The following HMCN2 variants were observed in gnomAD, a reference collection of about 807,000 sequenced individuals.
The protein encoded by HMCN2 is hemicentin 2, also known as hemicentin-2.
In HMCN2, 325 loss-of-function variants were observed where a neutral mutation model predicts 377.5. The observed-to-expected ratio is 0.86, with a 90% CI of 0.79 to 0.94. The LOEUF (loss-of-function observed/expected upper bound fraction) is 0.94, where lower values mean the gene tolerates loss of function less well. HMCN2 is among the 40% of genes least tolerant of loss of function. HMCN2 has a pLI of 0.00. For synonymous variants in HMCN2, 2,007 were observed against 2,046.8 expected, an observed-to-expected ratio of 0.98 and a Z score of 0.53; for missense variants, 4,543 against 4,725.3, an observed-to-expected ratio of 0.96 and a Z score of 1.13.
chr9:130,392,439 G>T (rs1156576986), intron 66 of HMCN2, among the ~76,000 whole-genome samples: 3 of 152,208 alleles, frequency 2.0e-5, no homozygotes, highest in Non-Finnish European at 4.4e-5. Flanking sequence ...GGCAAGAGCA[G>T]CTCAGGAGGA....
At chr9:130,427,758 G>A in intron 92 of HMCN2, 139 bp downstream of exon 92, 1 of 1,088,348 alleles carries the variant, frequency 9.2e-7, no homozygotes, top group Non-Finnish European at 1.3e-6. Flanking sequence ...TTTGATGTCA[G>A]CCTGGGGGTC....
At chr9:130,266,687 C>T (rs782747447) in intron 1 of HMCN2, among the ~76,000 whole-genome samples, 3 of 152,238 alleles carry the variant, frequency 2.0e-5, no homozygotes, top group Non-Finnish European at 4.4e-5. Flanking sequence ...CCTCGCCTGT[C>T]TTCCCTGGGG....
rs1564739507 is a variant in HMCN2, at chr9:130,277,811, CCAT to C, written c.260-6780_260-6778del. Among the ~76,000 whole-genome samples the C allele has an allele frequency of 9.1e-4, 66 of 72,630 alleles. 1 individual carries two copies. The highest frequency in any genetic ancestry group is 2.6e-3 in the African/African-American group (46 of 17,580). The allele number at this position is 72,630 out of a possible 152,430, so 47.6% of individuals were successfully genotyped here. A position where few individuals can be genotyped will look rare whatever the true frequency, so the allele number is the denominator to read the frequency against. On this transcript the variant is annotated intron_variant, in intron 1 of 97. Transcript: ENST00000683500. Reference sequence around the variant, plus strand: ...ACCACCATCATCATCACCACCACCACCATCATCATCATCACCACCACCATCATC... The same window carrying C: ...ACCACCATCATCATCACCACCACCACCATCATCATCACCACCACCATCATC...
chr9:130,282,593 G>A (rs1564744848), intron 1 of HMCN2, among the ~76,000 whole-genome samples: 1 of 152,220 alleles, frequency 6.6e-6, no homozygotes, highest in South Asian at 2.1e-4. Context: ...ACACAGAGCA[G>A]AGGGGCCGGG....
chr9:130,294,335 G>A (rs1835987109), intron 4 of HMCN2, among the ~76,000 whole-genome samples: 1 of 152,180 alleles, frequency 6.6e-6, no homozygotes, highest in Admixed American at 6.5e-5. Context: ...TCTCAATATT[G>A]CAAAAATCCA....
intron 85 of HMCN2, among the ~76,000 whole-genome samples, chr9:130,413,608 A>G (rs1013829893): frequency 2.0e-5 from 3 of 152,176 alleles, no homozygotes; most frequent in African/African-American, 4.8e-5. Context: ...TAGACTACCG[A>G]TCTTGGGACC....
At chr9:130,390,556 G>A (rs1243015536) in intron 62 of HMCN2, among the ~76,000 whole-genome samples, 1 of 152,220 alleles carries the variant, frequency 6.6e-6, no homozygotes, top group Non-Finnish European at 1.5e-5. Context: ...AGGCCTGAAG[G>A]CCGGGAGTGG....
intron 15 of HMCN2, among the ~76,000 whole-genome samples, chr9:130,313,552 G>A (rs1339271207): frequency 6.6e-6 from 1 of 151,960 alleles, no homozygotes; most frequent in Non-Finnish European, 1.5e-5. Context: ...GGTTTCCTGA[G>A]AATGTGCTTC....
Position 130,394,276 on chromosome 9 carries a change from C to T in HMCN2, c.10502-109C>T, listed in dbSNP as rs538189963. 1.1e-4 allele frequency: 78 copies of T among 718,100 alleles called. No homozygotes were observed. The African/African-American group carries it at 1.4e-3, about 13-fold the overall frequency. The allele number at this position is 718,100 out of a possible 1,614,324, so 44.5% of individuals were successfully genotyped here. A position where few individuals can be genotyped will look rare whatever the true frequency, so the allele number is the denominator to read the frequency against. On this transcript the variant is annotated intron_variant, in intron 68 of 97. Transcript: ENST00000683500. This position sits in a 1 kb window ranked among gnomAD's most constrained non-coding sequence, Gnocchi z 5.1. ...TTGGTGGCAGATGCAAGAACAAGGG[C>T]CACCAAAATGTGGGAGCAGAGCCCC...
rs1481913540 is a variant in HMCN2 at position 130,336,112 on chromosome 9, AGAGAAAGGAAGGAAAGAAGGAAG to A, written c.3360-1758_3360-1736del. 5.9e-5 allele frequency among the ~76,000 whole-genome samples: 9 copies of A among 152,184 alleles called. No individual in the cohort carries two copies. The South Asian group carries it at 6.2e-4, about 11-fold the overall frequency. ...ATAGAGCAGTGAGTGAGTGAGAGAG[AGAGAAAGGAAGGAAAGAAGGAAG>A]GAGAAAGGAAGGAAAGAAGGAAGAG... On this transcript the variant is annotated intron_variant, in intron 22 of 97. Transcript: ENST00000683500.
Position 130,386,521 on chromosome 9 carries a change from C to T in HMCN2, c.9388C>T (p.Gln3130Ter). 1 of 1,302,572 alleles carries T rather than the reference C, an allele frequency of 7.7e-7. No individual in the cohort carries two copies. The highest frequency in any genetic ancestry group is 1.0e-6 in the Non-Finnish European group (1 of 988,566). The allele number at this position is 1,302,572 out of a possible 1,614,324, so 80.7% of individuals were successfully genotyped here. ...EAVRTFTLTVQVPPTFENPKT... is the reference protein window; with the variant it reads ...EAVRTFTLTV ...CGTGCGGACCTTCACCCTCACCGTC[C>T]AGGGTAAGCCAGGGACCAGCCTAGC... Residue 3130 changes from glutamine (Q) to a stop codon, truncating the protein, a stop_gained, in exon 61 of 98, where the codon CAG (glutamine) becomes TAG (stop). Transcript: ENST00000683500. LOFTEE classifies it high-confidence loss of function.
intron 34 of HMCN2, 106 bp from the exon 35 acceptor site, chr9:130,357,728 C>G (rs1021083409): frequency 1.2e-6 from 1 of 827,570 alleles, no homozygotes; most frequent in Non-Finnish European, 1.7e-6. Flanking sequence ...TTTGGCCAGC[C>G]CTTCAAGGGC....
In HMCN2 at chr9:130,391,104, C is replaced by T. The variant is rs914129683; in HGVS notation, c.9651C>T (p.Phe3217=). 7.0e-5 allele frequency: 69 copies of T among 987,760 alleles called. No homozygotes were observed. Among genetic ancestry groups the T allele is most frequent in the Non-Finnish European group, 7.8e-5 (65 of 830,246 alleles). 61.2% of individuals were successfully genotyped at this position (987,760 alleles called of 1,614,324 possible). Residue 3217 remains phenylalanine (F), a synonymous_variant, in exon 63 of 98, where the codon TTC becomes TTT. Coordinates refer to ENST00000683500, the MANE Select transcript of HMCN2 (RefSeq NM_001291815.2). ...ENTQAEARKD[F]VVAVLVAPRI... ...CCCAGGCTGAGGCCCGCAAGGACTT[C>T]GTGGTAGCAGTGCTGGGTAGGTCTG...
intron 74 of HMCN2, 37 bp from the exon 75 acceptor site, chr9:130,398,514 C>T (rs1842717743): frequency 8.7e-7 from 1 of 1,150,908 alleles, no homozygotes; most frequent in South Asian, 1.7e-5. Context: ...CCCCTGTGCC[C>T]CCTGCACCTG....
intron 1 of HMCN2, among the ~76,000 whole-genome samples, chr9:130,274,240 G>A (rs1834555702): frequency 6.6e-6 from 1 of 152,006 alleles, no homozygotes; most frequent in Non-Finnish European, 1.5e-5. Context: ...TTTTAGTAGA[G>A]ACAGGGTTTC....
Position 130,433,689 on chromosome 9 carries a change from A to G in HMCN2, c.15236A>G (p.Tyr5079Cys), listed in dbSNP as rs1015934971. 4.7e-6 allele frequency: 7 copies of G among 1,476,902 alleles called. No individual in the cohort carries two copies. The highest frequency in any genetic ancestry group is 2.7e-5 in the South Asian group (2 of 73,812). 91.5% of individuals were successfully genotyped at this position (1,476,902 alleles called of 1,614,324 possible). A position where few individuals can be genotyped will look rare whatever the true frequency, so the allele number is the denominator to read the frequency against. The change falls in exon 98 of 98, where the codon TAC (tyrosine) becomes TGC (cysteine). Residue 5079 changes from tyrosine to cysteine, a missense_variant. Tyr to Cys is a radical substitution (Grantham distance 194). Transcript: ENST00000683500. ...VLLIAVSPYPY is the reference protein window; with the variant it reads ...VLLIAVSPYPC ...CTCATCGCCGTGTCCCCCTACCCCT[A>G]CTAAACGGGAGAGGGCATTGGCGGC...
chr9:130,340,435 G>A (rs970201871), intron 23 of HMCN2, among the ~76,000 whole-genome samples: 3 of 152,074 alleles, frequency 2.0e-5, no homozygotes, highest in Non-Finnish European at 4.4e-5. Flanking sequence ...TGCTGCCTCC[G>A]AACCTTGCTT....
chr9:130,422,165 G>A lies in HMCN2; in HGVS notation c.13232-412G>A, dbSNP rs1033155543. Reference sequence around the variant, plus strand: ...AGGTGATGGCACCCGGCTCTGGCTCGGTGCCCTGGCTCCTTCAGTGTGCCA... The same window carrying A: ...AGGTGATGGCACCCGGCTCTGGCTCAGTGCCCTGGCTCCTTCAGTGTGCCA... On this transcript the variant is annotated intron_variant, in intron 86 of 97. Coordinates refer to ENST00000683500, the MANE Select transcript of HMCN2 (RefSeq NM_001291815.2). This position sits in a 1 kb window ranked among gnomAD's most constrained non-coding sequence, Gnocchi z 4.2. 6.6e-5 allele frequency among the ~76,000 whole-genome samples: 10 copies of A among 152,346 alleles called. No homozygotes were observed. The highest frequency in any genetic ancestry group is 1.7e-4 in the African/African-American group (7 of 41,588).
intron 40 of HMCN2, among the ~76,000 whole-genome samples, chr9:130,363,820 CAA>C (rs35226924): frequency 3.4e-5 from 4 of 117,988 alleles, no homozygotes; most frequent in Admixed American, 9.2e-5. Flanking sequence ...CAGACTCTGT[CAA>C]AAAAAAAAAA....
Sources: gnomAD v4.1 joint callset for allele counts (sites outside exome capture counted in the v4.1 genomes callset) on GRCh38, gnomAD v4.1.1 for gene constraint, Gnocchi (gnomAD v3.1) non-coding constraint, MANE v1.5 for transcripts, NCBI Gene and HGNC (gene_info 2026-07-23, HGNC 2026-07-21) for gene names.